The following SCN1A variants were observed in gnomAD, a reference collection of about 807,000 sequenced individuals.
SCN1A encodes sodium channel protein type 1 subunit alpha.
A neutral mutation model predicts 193.7 loss-of-function variants in SCN1A; 13 were observed. That is an observed-to-expected ratio of 0.07 (90% CI 0.04 to 0.11). SCN1A has a LOEUF of 0.11. SCN1A is among the 10% of genes least tolerant of loss of function. The pLI, the probability that SCN1A is intolerant of heterozygous loss-of-function variation, is 1.00. For missense variants in SCN1A, 1,432 were observed against 2,451.1 expected (o/e 0.58, Z 8.78); for synonymous variants, 781 against 843.6 (o/e 0.93, Z 1.29).
chr2:166,128,737 A>G (rs1691500192), upstream of SCN1A, among the ~76,000 whole-genome samples: 1 of 152,188 alleles, frequency 6.6e-6, no homozygotes, highest in Non-Finnish European at 1.5e-5. Flanking sequence ...CCTAAAGCTT[A>G]ATTATAATAA....
At chr2:166,141,307 A>AT (rs67088633) in intron 1 of SCN1A, among the ~76,000 whole-genome samples, 232 of 150,734 alleles carry the variant, frequency 1.5e-3, no homozygotes, top group African/African-American at 4.1e-3. Flanking sequence ...ATCGCTGTTA[A>AT]TTTTTTTTTT....
chr2:166,048,785 T>C (rs1284744426), intron 10 of SCN1A, 101 bp downstream of exon 10: 2 of 776,488 alleles, frequency 2.6e-6, no homozygotes, highest in East Asian at 5.2e-5. Context: ...TCAATAAAAT[T>C]AGTTGGCTGT....
intron 2 of SCN1A, among the ~76,000 whole-genome samples, chr2:166,113,690 T>C (rs1689547968): frequency 1.3e-5 from 2 of 152,252 alleles, no homozygotes; most frequent in South Asian, 2.1e-4. Context: ...ATTACTACAC[T>C]TTAAGATAAA....
intron 1 of SCN1A, among the ~76,000 whole-genome samples, chr2:166,137,248 CAT>C (rs1691898760): frequency 6.6e-6 from 1 of 152,138 alleles, no homozygotes; most frequent in Admixed American, 6.5e-5. Flanking sequence ...AAGCAAAACA[CAT>C]GTGTCTAAAA....
intron 2 of SCN1A, chr2:166,123,624 T>A (rs1376598800): frequency 6.6e-6 from 1 of 152,154 alleles, no homozygotes; most frequent in East Asian, 1.9e-4. Flanking sequence ...TTTGAGGCAA[T>A]TTTTTTGCAT....
intron 2 of SCN1A, among the ~76,000 whole-genome samples, chr2:166,118,302 CTTTTTTT>C (rs61002916): frequency 4.9e-5 from 4 of 81,112 alleles, no homozygotes; most frequent in Non-Finnish European, 6.5e-5. Context: ...TATTTAGTTT[CTTTTTTT>C]TTTTTTTTTT....
At chr2:166,125,676 C>T (rs868604885) in intron 2 of SCN1A, among the ~76,000 whole-genome samples, 7 of 152,104 alleles carry the variant, frequency 4.6e-5, no homozygotes, top group Admixed American at 6.6e-5. Flanking sequence ...GGTATCTAGT[C>T]GGTCTGGTTG....
intron 5 of SCN1A, among the ~76,000 whole-genome samples, chr2:166,057,054 T>C (rs1286245565): frequency 6.6e-6 from 1 of 152,084 alleles, no homozygotes; most frequent in Non-Finnish European, 1.5e-5. Flanking sequence ...GCAGCAGGAT[T>C]CGATAACATT....
Position 166,096,284 on chromosome 2 carries a change from T to C in SCN1A, c.-141-18483A>G, listed in dbSNP as rs188782001. ...TTGGAAATCAGGGATGAAAAATCACTTTTTTTTTTGGTTGTTGTTACAGAG... is the reference window on the plus strand; with the variant it reads ...TTGGAAATCAGGGATGAAAAATCACCTTTTTTTTTGGTTGTTGTTACAGAG... On this transcript the variant is annotated intron_variant, in intron 2 of 28. Transcript: ENST00000674923. 7.0e-3 allele frequency among the ~76,000 whole-genome samples: 1,043 copies of C among 149,044 alleles called. 9 individuals carry two copies. The highest frequency in any genetic ancestry group is 0.024 in the African/African-American group (991 of 40,754).
intron 23 of SCN1A, among the ~76,000 whole-genome samples, chr2:166,005,092 A>C (rs1476200610): frequency 6.6e-6 from 1 of 151,414 alleles, no homozygotes; most frequent in Non-Finnish European, 1.5e-5. Context: ...TCTGGTACCC[A>C]TATTACTCTG....
At chr2:166,097,792 G>A (rs1687561324) in intron 2 of SCN1A, among the ~76,000 whole-genome samples, 1 of 152,108 alleles carries the variant, frequency 6.6e-6, no homozygotes, top group African/African-American at 2.4e-5. Flanking sequence ...TGCTGCCTAG[G>A]TGGATCTTGA....
chr2:165,999,494 T>TA (rs1690531075), intron 25 of SCN1A, among the ~76,000 whole-genome samples: 1 of 151,634 alleles, frequency 6.6e-6, no homozygotes, highest in Non-Finnish European at 1.5e-5. Context: ...TGTTAGTTAC[T>TA]AAATACATGA....
intron 19 of SCN1A, 51 bp from the exon 20 acceptor site, chr2:166,015,778 G>A (rs757007078): frequency 1.9e-5 from 31 of 1,604,746 alleles, no homozygotes; most frequent in Middle Eastern, 3.3e-4. Flanking sequence ...TTGGTAATAA[G>A]TTGCCTGCCA....
chr2:166,001,464 T>G (rs1490048099), intron 24 of SCN1A, among the ~76,000 whole-genome samples: 3 of 151,766 alleles, frequency 2.0e-5, no homozygotes, highest in Non-Finnish European at 3.0e-5. Flanking sequence ...AGTGTTGGTT[T>G]GTTTGCTTAG....
intron 19 of SCN1A, among the ~76,000 whole-genome samples, chr2:166,029,651 C>A (rs1233929288): frequency 1.3e-5 from 2 of 152,174 alleles, no homozygotes; most frequent in East Asian, 3.9e-4. Flanking sequence ...AAATGGAAAT[C>A]TAGAAGTAAC....
chr2:166,030,450 C>T lies in SCN1A; in HGVS notation c.3429+5598G>A, dbSNP rs376638925. 3.5e-5 allele frequency among the ~76,000 whole-genome samples: 5 copies of T among 143,384 alleles called. No homozygotes were observed. In the South Asian group the frequency reaches 6.2e-4, roughly 18 times the overall value. 94.1% of individuals were successfully genotyped at this position (143,384 alleles called of 152,430 possible). A position where few individuals can be genotyped will look rare whatever the true frequency, so the allele number is the denominator to read the frequency against. On this transcript the variant is annotated intron_variant, in intron 19 of 28. Transcript: ENST00000674923. ...ACTCATTATTCTAGAGCTCACTCAT[C>T]GCAAAAACAAATGTATTTCTTTTAT...
At chr2:166,074,076 C>T (rs1008990756) in intron 3 of SCN1A, among the ~76,000 whole-genome samples, 1 of 152,172 alleles carries the variant, frequency 6.6e-6, no homozygotes, top group Non-Finnish European at 1.5e-5. Context: ...TCTGAGAGGA[C>T]ATAAAATCTA....
chr2:166,111,893 G>T (rs780993005), intron 2 of SCN1A, among the ~76,000 whole-genome samples: 8 of 152,186 alleles, frequency 5.3e-5, no homozygotes, highest in Non-Finnish European at 1.0e-4. Context: ...GCAGCCTGAA[G>T]ATGTGACTGA....
chr2:166,088,056 T>TTG (rs10525602), intron 2 of SCN1A, among the ~76,000 whole-genome samples: 36,953 of 146,726 alleles, frequency 0.25, 4,623 homozygotes, highest in Middle Eastern at 0.48. Context: ...ATCTGTGTGT[T>TTG]TGTGTGTGTG....
Sources: allele counts gnomAD v4.1 joint callset (sites outside exome capture counted in the v4.1 genomes callset), GRCh38; gene constraint gnomAD v4.1.1; transcripts MANE v1.5; gene names NCBI Gene and HGNC (gene_info 2026-07-23, HGNC 2026-07-21).